The following GRM5 variants were observed in gnomAD, a reference collection of about 807,000 sequenced individuals.
GRM5 encodes the protein metabotropic glutamate receptor 5.
In GRM5, 19 loss-of-function variants were observed where a neutral mutation model predicts 83.1. The observed-to-expected ratio is 0.23, with a 90% CI of 0.16 to 0.34. The LOEUF is 0.34. Ranked by LOEUF, GRM5 falls within the 10% of genes least tolerant of loss-of-function variation. GRM5 has a pLI of 1.00. For missense variants in GRM5, 1,160 were observed against 1,588.3 expected (o/e 0.73, Z 4.58); for synonymous variants, 675 against 633.6 (o/e 1.07, Z -0.98).
chr11:88,557,380 C>A (rs928732406), intron 8 of GRM5, among the ~76,000 whole-genome samples: 1 of 152,056 alleles, frequency 6.6e-6, no homozygotes, highest in Non-Finnish European at 1.5e-5. Flanking sequence ...TCTTCTCTAG[C>A]AGAGAGGAGG....
intron 2 of GRM5, among the ~76,000 whole-genome samples, chr11:88,891,141 C>A (rs774629920): frequency 1.3e-5 from 2 of 151,990 alleles, no homozygotes; most frequent in African/African-American, 2.4e-5. Context: ...GATTTCATCT[C>A]ATGGTCAAAT....
intron 3 of GRM5, among the ~76,000 whole-genome samples, chr11:88,848,410 G>A (rs528141737): frequency 1.3e-5 from 2 of 152,192 alleles, no homozygotes; most frequent in East Asian, 1.9e-4. Context: ...GATCACAGAC[G>A]GTCAGTTAAG....
rs200272446 is a variant in GRM5, at chr11:88,564,594, A to AT, written c.2630+2458_2630+2459insA. Among the ~76,000 whole-genome samples, 1,296 of 152,304 alleles carry AT rather than the reference A, an allele frequency of 8.5e-3. 21 individuals are homozygous for AT. Among genetic ancestry groups the AT allele is most frequent in the African/African-American group, 0.03 (1,244 of 41,564 alleles). On this transcript the variant is annotated intron_variant, in intron 8 of 9. Coordinates refer to ENST00000305447, the MANE Select transcript of GRM5 (RefSeq NM_001143831.3). ...ATAAAAGTTAATAGTACAACTAGGG[A>AT]GTAAGAGTGTGCACATTTGAAGACA... is the stretch of plus-strand genomic sequence containing the variant.
At chr11:88,558,115 T>C (rs537958554) in intron 8 of GRM5, among the ~76,000 whole-genome samples, 8 of 152,288 alleles carry the variant, frequency 5.3e-5, no homozygotes, top group African/African-American at 9.6e-5. Context: ...AACTCAGCAA[T>C]GTACCCAGTA....
At chr11:89,038,515 T>C (rs1941449382) in intron 2 of GRM5, among the ~76,000 whole-genome samples, 1 of 152,174 alleles carries the variant, frequency 6.6e-6, no homozygotes. Flanking sequence ...TAAATAGAAA[T>C]AACCAAGCAC....
intron 2 of GRM5, among the ~76,000 whole-genome samples, chr11:88,968,120 A>G (rs677924): frequency 0.12 from 17,521 of 152,102 alleles, 3,284 homozygotes; most frequent in African/African-American, 0.39. Flanking sequence ...GGCTTATACA[A>G]AAAGAAATAC....
chr11:88,920,932 T>A (rs1311692388), intron 2 of GRM5, among the ~76,000 whole-genome samples: 2 of 152,182 alleles, frequency 1.3e-5, no homozygotes, highest in Non-Finnish European at 2.9e-5. Flanking sequence ...GGCATTCTTA[T>A]TTTTTAAAAA....
At chr11:88,997,935 A>G (rs892089147) in intron 2 of GRM5, among the ~76,000 whole-genome samples, 13 of 152,146 alleles carry the variant, frequency 8.5e-5, no homozygotes, top group African/African-American at 3.1e-4. Flanking sequence ...AGTAGGGAGT[A>G]CTTCTCAATA....
At chr11:88,525,260 TTGCA>T (rs1239956104) in intron 9 of GRM5, 45 bp downstream of exon 9, 4 of 1,065,112 alleles carry the variant, frequency 3.8e-6, no homozygotes, top group Non-Finnish European at 4.4e-6. Flanking sequence ...TTCCTCTAGC[TTGCA>T]TACATTTATT....
chr11:88,852,818 GGAAAAGACT>G (rs1944409416), intron 2 of GRM5, among the ~76,000 whole-genome samples: 2 of 152,056 alleles, frequency 1.3e-5, no homozygotes, highest in African/African-American at 4.8e-5. Flanking sequence ...CCAATAAAAT[GGAAAAGACT>G]GAAGTGTTGA....
intron 3 of GRM5, among the ~76,000 whole-genome samples, chr11:88,816,776 C>T (rs990900065): frequency 7.1e-5 from 10 of 140,638 alleles, no homozygotes; most frequent in East Asian, 2.1e-4. Context: ...AGAAAAGGCA[C>T]GAATAACCAA....
At chr11:88,932,710 TAAG>T (rs78500943) in intron 2 of GRM5, among the ~76,000 whole-genome samples, 11,303 of 151,914 alleles carry the variant, frequency 0.074, 641 homozygotes, top group East Asian at 0.18. Context: ...TTTTTATGAA[TAAG>T]AAGGGGTTCT....
At chr11:88,928,387 T>A (rs1375469021) in intron 2 of GRM5, among the ~76,000 whole-genome samples, 1 of 151,916 alleles carries the variant, frequency 6.6e-6, no homozygotes, top group Non-Finnish European at 1.5e-5. Flanking sequence ...AAAGAGTAGT[T>A]GTGGGTCTGT....
intron 3 of GRM5, among the ~76,000 whole-genome samples, chr11:88,789,357 AAAAAAAAGAAAAAAG>A (rs1375120898): frequency 6.6e-6 from 1 of 151,960 alleles, no homozygotes; most frequent in Admixed American, 6.6e-5. Flanking sequence ...AAAAGCAAAG[AAAAAAAAGAAAAAAG>A]AAAAAAAGAA....
intron 2 of GRM5, among the ~76,000 whole-genome samples, chr11:88,917,983 T>A (rs1945622942): frequency 6.6e-6 from 1 of 151,898 alleles, no homozygotes; most frequent in African/African-American, 2.4e-5. Context: ...AACAAGGTTA[T>A]AGAACACAAG....
chr11:88,824,842 C>T (rs150531882), intron 3 of GRM5, among the ~76,000 whole-genome samples: 3 of 152,102 alleles, frequency 2.0e-5, no homozygotes, highest in East Asian at 3.9e-4. Flanking sequence ...TGTGTGTAGA[C>T]GGGTATGCAT....
intron 3 of GRM5, among the ~76,000 whole-genome samples, chr11:88,834,326 G>A (rs575291415): frequency 5.9e-5 from 9 of 152,168 alleles, no homozygotes; most frequent in African/African-American, 1.7e-4. Flanking sequence ...GTAAAATTAA[G>A]TAAGAAAACA....
At chr11:89,061,190 A>C (rs2135172883) in intron 1 of GRM5, among the ~76,000 whole-genome samples, 1 of 152,318 alleles carries the variant, frequency 6.6e-6, no homozygotes, top group African/African-American at 2.4e-5. Context: ...CCTCACATGT[A>C]CGTATACATA....
At chr11:88,780,404 C>T (rs1334132105) in intron 3 of GRM5, among the ~76,000 whole-genome samples, 1 of 152,118 alleles carries the variant, frequency 6.6e-6, no homozygotes, top group Non-Finnish European at 1.5e-5. Context: ...CATGACTTAA[C>T]ACTCCTCTTC....
Sources: allele counts gnomAD v4.1 joint callset (sites outside exome capture counted in the v4.1 genomes callset), GRCh38; gene constraint gnomAD v4.1.1; transcripts MANE v1.5; gene names NCBI Gene and HGNC (gene_info 2026-07-23, HGNC 2026-07-21).